The following AK9 variants were observed in gnomAD, a reference collection of about 807,000 sequenced individuals.
The protein encoded by AK9 is adenylate kinase 9, also known as adenylate kinase domain containing 1.
In AK9, 191 loss-of-function variants were observed where a neutral mutation model predicts 239.6. The ratio of observed to expected loss-of-function variants is 0.80; its 90% CI spans 0.71 to 0.90. AK9 has a LOEUF of 0.90. AK9 is among the 40% of genes least tolerant of loss of function. AK9 has a pLI of 0.00. For synonymous variants in AK9, 689 were observed against 721.0 expected (o/e 0.96, Z 0.71); for missense variants, 1,995 against 2,214.7 (o/e 0.90, Z 1.99).
At chr6:109,525,211 T>C (rs1401177560) in intron 29 of AK9, among the ~76,000 whole-genome samples, 6 of 152,204 alleles carry the variant, frequency 3.9e-5, no homozygotes, top group African/African-American at 1.4e-4. Context: ...CATTGCTCTA[T>C]GTATCTGTTT....
At chr6:109,681,400 A>C (rs1026474807) in intron 1 of AK9, among the ~76,000 whole-genome samples, 14 of 152,156 alleles carry the variant, frequency 9.2e-5, no homozygotes, top group African/African-American at 3.4e-4. Flanking sequence ...AGCTAACTAT[A>C]CTAAATATAT....
At chr6:109,682,041 C>G (rs889695102) in intron 1 of AK9, among the ~76,000 whole-genome samples, 4 of 152,080 alleles carry the variant, frequency 2.6e-5, no homozygotes, top group Non-Finnish European at 5.9e-5. Flanking sequence ...AGAGAAGCAA[C>G]AGTAAACAAA....
intron 33 of AK9, among the ~76,000 whole-genome samples, chr6:109,508,413 C>G (rs1171314420): frequency 6.6e-6 from 1 of 152,048 alleles, no homozygotes; most frequent in Non-Finnish European, 1.5e-5. Context: ...AAGCTGAACA[C>G]CAGGGAGGAG....
intron 8 of AK9, among the ~76,000 whole-genome samples, chr6:109,655,847 A>C (rs1799627908): frequency 6.6e-6 from 1 of 152,224 alleles, no homozygotes; most frequent in South Asian, 2.1e-4. Context: ...CACGCTTCAG[A>C]AGCTACGTTT....
At chr6:109,638,972 G>C (rs1254921523) in intron 10 of AK9, among the ~76,000 whole-genome samples, 1 of 152,172 alleles carries the variant, frequency 6.6e-6, no homozygotes, top group African/African-American at 2.4e-5. Context: ...CCCTGCAAAG[G>C]ACATGAACTC....
intron 17 of AK9, among the ~76,000 whole-genome samples, chr6:109,603,324 T>G (rs1792326648): frequency 1.3e-5 from 2 of 152,182 alleles, no homozygotes; most frequent in African/African-American, 2.4e-5. Flanking sequence ...TGTTGGAGAT[T>G]GCTGGAGGTC....
chr6:109,606,373 AACG>A (rs1367573817), intron 17 of AK9, among the ~76,000 whole-genome samples: 1 of 152,192 alleles, frequency 6.6e-6, no homozygotes, highest in East Asian at 1.9e-4. Flanking sequence ...AGAAAGACAT[AACG>A]ACAGTGCCAA....
intron 21 of AK9, among the ~76,000 whole-genome samples, chr6:109,570,160 C>G (rs1312837597): frequency 6.6e-6 from 1 of 152,092 alleles, no homozygotes; most frequent in Non-Finnish European, 1.5e-5. Flanking sequence ...AACCATCATT[C>G]TCAGCAAACT....
chr6:109,626,896 A>G (rs993537849), intron 12 of AK9, among the ~76,000 whole-genome samples: 1 of 152,176 alleles, frequency 6.6e-6, no homozygotes, highest in Non-Finnish European at 1.5e-5. Context: ...ACTACTATAG[A>G]CTTTATAAAC....
chr6:109,654,255 G>T (rs1157037975), intron 8 of AK9, among the ~76,000 whole-genome samples: 1 of 152,100 alleles, frequency 6.6e-6, no homozygotes, highest in Non-Finnish European at 1.5e-5. Context: ...ACCGACAACA[G>T]ATTATATCAG....
chr6:109,616,634 C>T (rs1463228311), intron 13 of AK9, among the ~76,000 whole-genome samples: 5 of 152,124 alleles, frequency 3.3e-5, no homozygotes, highest in South Asian at 2.1e-4. Flanking sequence ...ACTTTGGCTT[C>T]GCAGAGCATT....
chr6:109,625,137 T>C (rs929231639), intron 12 of AK9, among the ~76,000 whole-genome samples: 1 of 152,142 alleles, frequency 6.6e-6, no homozygotes, highest in African/African-American at 2.4e-5. Context: ...TTCATTTGCG[T>C]GAGTATTGTT....
At chr6:109,689,291 C>G (rs987930060) in intron 1 of AK9, among the ~76,000 whole-genome samples, 1 of 152,106 alleles carries the variant, frequency 6.6e-6, no homozygotes, top group Non-Finnish European at 1.5e-5. Context: ...AGAATGGATA[C>G]GAGTGCTGCA....
chr6:109,626,748 G>A (rs1232484934), intron 12 of AK9, among the ~76,000 whole-genome samples: 1 of 152,164 alleles, frequency 6.6e-6, no homozygotes, highest in Non-Finnish European at 1.5e-5. Context: ...AAGGTTCTGT[G>A]CAAATATGGC....
At chr6:109,545,841 C>T in intron 26 of AK9, 26 bp downstream of exon 26, 1 of 1,572,294 alleles carries the variant, frequency 6.4e-7, no homozygotes, top group Non-Finnish European at 8.6e-7. Flanking sequence ...ACAAAACAAA[C>T]AAAAAACAAA....
At chr6:109,653,199 T>C (rs1799216346) in intron 8 of AK9, among the ~76,000 whole-genome samples, 1 of 152,170 alleles carries the variant, frequency 6.6e-6, no homozygotes, top group African/African-American at 2.4e-5. Context: ...AGTACTGGGA[T>C]TACAGGCATG....
At chr6:109,626,465 T>C (rs997207586) in intron 12 of AK9, among the ~76,000 whole-genome samples, 7 of 152,222 alleles carry the variant, frequency 4.6e-5, no homozygotes, top group Non-Finnish European at 8.8e-5. Context: ...TTGACTTTTG[T>C]TCTATCAGGC....
At chr6:109,535,354 C>A (rs1021245537) in intron 27 of AK9, among the ~76,000 whole-genome samples, 2 of 152,176 alleles carry the variant, frequency 1.3e-5, no homozygotes, top group African/African-American at 4.8e-5. Flanking sequence ...CTCTGACGGT[C>A]AGTGATGATG....
chr6:109,685,918 A>G (rs1305094172), intron 1 of AK9, among the ~76,000 whole-genome samples: 2 of 152,168 alleles, frequency 1.3e-5, no homozygotes, highest in South Asian at 4.1e-4. Flanking sequence ...AGCACAACAG[A>G]TGAGGGTAGA....
Sources: allele counts gnomAD v4.1 joint callset (sites outside exome capture counted in the v4.1 genomes callset), GRCh38; gene constraint gnomAD v4.1.1; transcripts MANE v1.5; gene names NCBI Gene and HGNC (gene_info 2026-07-23, HGNC 2026-07-21).